Variants in EML1 observed in about 807,000 individuals in gnomAD.
EML1 encodes EMAP like 1.
In EML1, 27 loss-of-function variants were observed where a neutral mutation model predicts 110.4. The ratio of observed to expected loss-of-function variants is 0.24; its 90% CI spans 0.18 to 0.34. The LOEUF is 0.34. Among genes scored for constraint, EML1 ranks in the 10% least tolerant of loss-of-function variants. EML1 has a pLI of 1.00. For missense variants in EML1, 741 were observed against 1,030.9 expected, an observed-to-expected ratio of 0.72 and a Z score of 3.85; for synonymous variants, 344 against 385.8, an observed-to-expected ratio of 0.89 and a Z score of 1.27.
At chr14:99,908,808 G>A (rs751233552) in intron 10 of EML1, among the ~76,000 whole-genome samples, 1 of 152,182 alleles carries the variant, frequency 6.6e-6, no homozygotes, top group Admixed American at 6.5e-5. Context: ...GAACTCCCTG[G>A]GGAAACGGGC....
chr14:99,802,719 G>T lies in EML1; in HGVS notation c.67+9176G>T, dbSNP rs150576447. 8.7e-3 allele frequency among the ~76,000 whole-genome samples: 1,325 copies of T among 152,192 alleles called. 19 individuals carry two copies. Among genetic ancestry groups the T allele is most frequent in the African/African-American group, 0.03 (1,253 of 41,520 alleles). ...GGACATATGGGATACAAGCTGAGGT[G>T]CTGAGCAGGCTGTCGGTGAAGGTCT... is the stretch of plus-strand genomic sequence containing the variant. On this transcript the variant is annotated intron_variant, in intron 1 of 21. Coordinates refer to ENST00000262233, the MANE Select transcript of EML1 (RefSeq NM_004434.3).
intron 4 of EML1, 100 bp downstream of exon 4, chr14:99,878,719 G>GA: frequency 6.7e-7 from 1 of 1,481,992 alleles, no homozygotes; most frequent in South Asian, 1.4e-5. Flanking sequence ...CAACAAGCTG[G>GA]GAGTACTCTT....
intron 1 of EML1, among the ~76,000 whole-genome samples, chr14:99,766,363 T>C (rs909164848): frequency 6.6e-6 from 1 of 151,988 alleles, no homozygotes; most frequent in African/African-American, 2.4e-5. Flanking sequence ...CCAGCTAATT[T>C]TTGTATTTTT....
At chr14:99,880,477 C>A (rs1227598966) in intron 4 of EML1, among the ~76,000 whole-genome samples, 1 of 152,084 alleles carries the variant, frequency 6.6e-6, no homozygotes, top group Non-Finnish European at 1.5e-5. Context: ...TGGAGTCTTG[C>A]TGAGAAATGC....
At position 99,750,604 on chromosome 14, in the gene EML1, G is replaced by C. The variant is rs962022938; in HGVS notation, c.28+12744G>C. Among the ~76,000 whole-genome samples the C allele has an allele frequency of 5.3e-5, 8 of 152,178 alleles. No homozygotes were observed. In the East Asian group the frequency reaches 1.5e-3, roughly 29 times the overall value. ...GCTTGCTACACATGAACTATCACCC[G>C]TATTCAAGGGCACAGTGGGGGGATC... is the stretch of plus-strand genomic sequence containing the variant. On this transcript the variant is annotated intron_variant, in intron 1 of 10. Coordinates refer to the EML1 transcript ENST00000554479.
At chr14:99,790,637 A>G (rs112598271), upstream of EML1, among the ~76,000 whole-genome samples, 307 of 152,328 alleles carry the variant, frequency 2.0e-3, 2 homozygotes, top group African/African-American at 7.2e-3. Context: ...TAGAGAGAGC[A>G]TGAACACTGG....
At chr14:99,899,262 A>G (rs963714964) in intron 8 of EML1, 13 of 152,178 alleles carry the variant, frequency 8.5e-5, no homozygotes, top group African/African-American at 3.1e-4. Flanking sequence ...CATATTTCAG[A>G]AAATATTTTA....
intron 5 of EML1, 140 bp from the exon 6 acceptor site, chr14:99,894,489 T>C: frequency 9.3e-7 from 1 of 1,079,982 alleles, no homozygotes. Flanking sequence ...TTATGTTACT[T>C]TTTTCCCTAG....
chr14:99,803,232 G>GCACCAGGCGC (rs974442180), intron 1 of EML1, among the ~76,000 whole-genome samples: 3 of 152,264 alleles, frequency 2.0e-5, no homozygotes, highest in Non-Finnish European at 4.4e-5. Context: ...TCAAACACAC[G>GCACCAGGCGC]CACCAGGCGC....
intron 4 of EML1, among the ~76,000 whole-genome samples, chr14:99,880,760 C>G (rs1205506931): frequency 1.3e-5 from 2 of 152,204 alleles, no homozygotes; most frequent in African/African-American, 4.8e-5. Flanking sequence ...CTTAATGTCT[C>G]CAAGCCTCAG....
rs2060299883 is a variant in EML1, at chr14:99,928,211, GGTGA to G, written c.1909+7335_1909+7338del. Among the ~76,000 whole-genome samples, 2 of 114,670 alleles carry G rather than the reference GGTGA, an allele frequency of 1.7e-5. 1 individual carries two copies. The highest frequency in any genetic ancestry group is 7.4e-5 in the African/African-American group (2 of 27,076). 75.2% of individuals were successfully genotyped at this position (114,670 alleles called of 152,430 possible). A position where few individuals can be genotyped will look rare whatever the true frequency, so the allele number is the denominator to read the frequency against. On this transcript the variant is annotated intron_variant, in intron 17 of 21. Transcript: ENST00000262233. ...TGGTGGTGGTGGTGGTGGTGGTGAT[GGTGA>G]TGGTGGTGGTGGTGGTGGTGGTGGT...
chr14:99,760,083 CAAAAAAAAAAAAAAAAAA>C (rs61619098), intron 1 of EML1, among the ~76,000 whole-genome samples: 3 of 47,132 alleles, frequency 6.4e-5, no homozygotes, highest in African/African-American at 2.9e-4. Context: ...GACTCCCTCT[CAAAAAAAAAAAAAAAAAA>C]AAAAAAAAAA....
At chr14:99,935,718 G>A (rs113973452) in intron 17 of EML1, among the ~76,000 whole-genome samples, 2,291 of 145,274 alleles carry the variant, frequency 0.016, 21 homozygotes, top group Non-Finnish European at 0.022. Flanking sequence ...GGGAGGCAGA[G>A]CTTGCCGTGA....
chr14:99,879,161 A>G (rs1300726265), intron 4 of EML1, among the ~76,000 whole-genome samples: 2 of 152,146 alleles, frequency 1.3e-5, no homozygotes, highest in East Asian at 1.9e-4. Context: ...GAGTTTTTCT[A>G]TGAGGTTAGT....
At chr14:99,836,999 T>C (rs569114329) in intron 1 of EML1, among the ~76,000 whole-genome samples, 1 of 151,974 alleles carries the variant, frequency 6.6e-6, no homozygotes, top group African/African-American at 2.4e-5. Context: ...TAATTTTTTT[T>C]TTTTTTTGGA....
chr14:99,878,092 A>G (rs1270386470), intron 3 of EML1, among the ~76,000 whole-genome samples: 2 of 152,116 alleles, frequency 1.3e-5, no homozygotes, highest in South Asian at 2.1e-4. Context: ...CGTTAGCATT[A>G]GTATATTTTA....
At chr14:99,926,508 C>T (rs2060237131) in intron 17 of EML1, among the ~76,000 whole-genome samples, 1 of 152,042 alleles carries the variant, frequency 6.6e-6, no homozygotes, top group African/African-American at 2.4e-5. Context: ...TGGTCTCAAG[C>T]TCCTAGCCTC....
intron 8 of EML1, among the ~76,000 whole-genome samples, chr14:99,899,672 C>A (rs2059728215): frequency 2.0e-5 from 3 of 151,408 alleles, no homozygotes. Context: ...AATCAGACCA[C>A]TATTATGTAA....
rs532202450 is a variant in EML1, at chr14:99,780,206, A to T, written c.-27+6193A>T. 1.4e-4 allele frequency among the ~76,000 whole-genome samples: 21 copies of T among 152,148 alleles called. No homozygotes were observed. The South Asian group carries it at 2.7e-3, about 20-fold the overall frequency. On this transcript the variant is annotated intron_variant, in intron 1 of 22. Transcript: ENST00000327921. ...TTTAACCTTAATTACTTCCTAAAGG[A>T]CCCATCTCTAAATACAGTCACATTG... is the stretch of plus-strand genomic sequence containing the variant.
Sources: gnomAD v4.1 joint callset for allele counts (sites outside exome capture counted in the v4.1 genomes callset) on GRCh38, gnomAD v4.1.1 for gene constraint, MANE v1.5 for transcripts, NCBI Gene and HGNC (gene_info 2026-07-23, HGNC 2026-07-21) for gene names.